CAMSAP2: variants seen among roughly 807,000 people sequenced by gnomAD.
CAMSAP2 encodes the protein calmodulin regulated spectrin associated protein family member 2.
Under a neutral mutation model 146.1 loss-of-function variants are expected in CAMSAP2, and 26 were observed. The ratio of observed to expected loss-of-function variants is 0.18; its 90% CI spans 0.13 to 0.25. The LOEUF (loss-of-function observed/expected upper bound fraction) is 0.25, where lower values mean the gene tolerates loss of function less well. Among genes scored for constraint, CAMSAP2 ranks in the 10% least tolerant of loss-of-function variants. CAMSAP2 has a pLI of 1.00. For missense variants in CAMSAP2, 1,381 were observed against 1,759.3 expected, an observed-to-expected ratio of 0.78 and a Z score of 3.85; for synonymous variants, 499 against 596.6, an observed-to-expected ratio of 0.84 and a Z score of 2.38.
intron 2 of CAMSAP2, among the ~76,000 whole-genome samples, chr1:200,783,610 G>A (rs1377572692): frequency 6.6e-6 from 1 of 151,940 alleles, no homozygotes; most frequent in African/African-American, 2.4e-5. Context: ...AGCCTCCTAA[G>A]TAGCTGGGAC....
intron 1 of CAMSAP2, among the ~76,000 whole-genome samples, chr1:200,750,906 T>G (rs1315314093): frequency 6.7e-6 from 1 of 148,910 alleles, no homozygotes; most frequent in Non-Finnish European, 1.5e-5. Context: ...CCTGCCTTTT[T>G]TTTTTTTTTT....
At chr1:200,833,331 T>C (rs985151459) in intron 6 of CAMSAP2, among the ~76,000 whole-genome samples, 2 of 151,752 alleles carry the variant, frequency 1.3e-5, no homozygotes, top group African/African-American at 2.4e-5. Context: ...GAGGAGGAGG[T>C]GGGCAGATAG....
intron 1 of CAMSAP2, among the ~76,000 whole-genome samples, chr1:200,752,316 A>G (rs1254127026): frequency 6.6e-6 from 1 of 152,142 alleles, no homozygotes; most frequent in Non-Finnish European, 1.5e-5. Flanking sequence ...TACTGAGCAT[A>G]TAATATTGCT....
At chr1:200,766,970 T>A (rs1664971583) in intron 2 of CAMSAP2, among the ~76,000 whole-genome samples, 1 of 152,184 alleles carries the variant, frequency 6.6e-6, no homozygotes, top group Admixed American at 6.5e-5. Flanking sequence ...GTAGAATGAC[T>A]GCTGACAGGG....
chr1:200,756,154 C>T (rs925481154), intron 1 of CAMSAP2, among the ~76,000 whole-genome samples: 1 of 151,980 alleles, frequency 6.6e-6, no homozygotes, highest in East Asian at 1.9e-4. Flanking sequence ...CTCAAGATCC[C>T]ATCAAGTAAA....
At chr1:200,768,855 T>C (rs995670775) in intron 2 of CAMSAP2, among the ~76,000 whole-genome samples, 1 of 152,106 alleles carries the variant, frequency 6.6e-6, no homozygotes, top group Non-Finnish European at 1.5e-5. Context: ...GGTTTCACCA[T>C]GTTAGCCAGG....
chr1:200,761,929 G>GT (rs1012043464), intron 2 of CAMSAP2, among the ~76,000 whole-genome samples: 1 of 152,178 alleles, frequency 6.6e-6, no homozygotes, highest in African/African-American at 2.4e-5. Flanking sequence ...AAATCTAAAT[G>GT]TTTAAGTTCA....
chr1:200,756,843 T>C (rs1276501866), intron 1 of CAMSAP2, among the ~76,000 whole-genome samples: 2 of 152,196 alleles, frequency 1.3e-5, no homozygotes, highest in African/African-American at 4.8e-5. Flanking sequence ...TACCAGGCGC[T>C]GAGTTAGGCC....
intron 8 of CAMSAP2, 46 bp from the exon 9 acceptor site, chr1:200,847,164 A>G (rs1318434087): frequency 7.1e-7 from 1 of 1,404,452 alleles, no homozygotes; most frequent in Non-Finnish European, 9.9e-7. Context: ...CTAAATTTAT[A>G]TTAAACAGCT....
intron 4 of CAMSAP2, among the ~76,000 whole-genome samples, chr1:200,827,782 A>T (rs1184889600): frequency 3.3e-5 from 5 of 152,124 alleles, no homozygotes; most frequent in African/African-American, 1.2e-4. Context: ...ACTTTGGTTC[A>T]CTTCAACAAA....
chr1:200,807,743 T>TA (rs1196464812), intron 3 of CAMSAP2, among the ~76,000 whole-genome samples: 1 of 149,758 alleles, frequency 6.7e-6, no homozygotes, highest in East Asian at 1.9e-4. Flanking sequence ...ATTACTCTTT[T>TA]TTTTTTTTTT....
At chr1:200,807,631 C>T (rs1047436931) in intron 3 of CAMSAP2, 94 bp downstream of exon 3, 2 of 851,324 alleles carry the variant, frequency 2.3e-6, no homozygotes, top group Non-Finnish European at 3.2e-6. Context: ...CTTTTTGTTT[C>T]AAATCAAAGT....
At chr1:200,795,930 C>A (rs1444604834) in intron 2 of CAMSAP2, among the ~76,000 whole-genome samples, 14 of 152,178 alleles carry the variant, frequency 9.2e-5, no homozygotes, top group Admixed American at 8.5e-4. Context: ...TTTTGACTTG[C>A]TCTGCCTACT....
intron 1 of CAMSAP2, among the ~76,000 whole-genome samples, chr1:200,758,479 A>G (rs1030651748): frequency 1.3e-5 from 2 of 152,222 alleles, no homozygotes; most frequent in Non-Finnish European, 2.9e-5. Flanking sequence ...TGAGGCAGCT[A>G]TATTAAATTT....
chr1:200,744,542 A>C (rs576913461), intron 1 of CAMSAP2, among the ~76,000 whole-genome samples: 1 of 152,342 alleles, frequency 6.6e-6, no homozygotes, highest in South Asian at 2.1e-4. Flanking sequence ...TTAAGAGTTT[A>C]TGCTTTGCTA....
intron 1 of CAMSAP2, among the ~76,000 whole-genome samples, chr1:200,744,168 C>T (rs1664256152): frequency 6.6e-6 from 1 of 152,094 alleles, no homozygotes; most frequent in African/African-American, 2.4e-5. Flanking sequence ...GGGATCTGAA[C>T]CCAGGGAATT....
intron 2 of CAMSAP2, among the ~76,000 whole-genome samples, chr1:200,776,258 C>T (rs562082571): frequency 6.6e-6 from 1 of 152,258 alleles, no homozygotes; most frequent in South Asian, 2.1e-4. Flanking sequence ...CTTGAGAGAA[C>T]TAGGCACAGA....
At chr1:200,780,655 C>T (rs546845733) in intron 2 of CAMSAP2, among the ~76,000 whole-genome samples, 1 of 152,198 alleles carries the variant, frequency 6.6e-6, no homozygotes, top group Admixed American at 6.6e-5. Context: ...AGTTGCTTGC[C>T]AGCAGCATTG....
intron 1 of CAMSAP2, among the ~76,000 whole-genome samples, chr1:200,748,126 A>G (rs1221779119): frequency 1.3e-5 from 2 of 152,186 alleles, no homozygotes; most frequent in African/African-American, 2.4e-5. Flanking sequence ...AAACGGAAGG[A>G]TTGATTATAG....
Sources: allele counts gnomAD v4.1 joint callset (sites outside exome capture counted in the v4.1 genomes callset), GRCh38; gene constraint gnomAD v4.1.1; transcripts MANE v1.5; gene names NCBI Gene and HGNC (gene_info 2026-07-23, HGNC 2026-07-21).